NAALADL2: variants seen among roughly 807,000 people sequenced by gnomAD.
NAALADL2 encodes the protein inactive N-acetylated-alpha-linked acidic dipeptidase-like protein 2.
NAALADL2 carries 76 observed loss-of-function variants against 87.2 expected under a neutral mutation model. That is an observed-to-expected ratio of 0.87 (90% CI 0.72 to 1.05). NAALADL2 has a LOEUF of 1.05. Ranked by LOEUF, NAALADL2 falls within the 50% of genes least tolerant of loss-of-function variation. The pLI is 0.00. For synonymous variants in NAALADL2, 354 were observed against 331.0 expected (o/e 1.07, Z -0.75); for missense variants, 1,089 against 945.8 (o/e 1.15, Z -1.99).
intron 10 of NAALADL2, among the ~76,000 whole-genome samples, chr3:175,611,419 G>A (rs544261046): frequency 1.8e-4 from 28 of 151,724 alleles, no homozygotes; most frequent in African/African-American, 5.3e-4. Flanking sequence ...ACTTGAAATC[G>A]CCCTTCAATT....
intron 2 of NAALADL2, among the ~76,000 whole-genome samples, chr3:175,132,712 C>T (rs1285912828): frequency 6.8e-6 from 1 of 147,380 alleles, no homozygotes; most frequent in Non-Finnish European, 1.5e-5. Context: ...AGAGGGGCTC[C>T]TCACTTCCCA....
chr3:175,460,718 T>C (rs76773494), intron 6 of NAALADL2, among the ~76,000 whole-genome samples: 2 of 152,192 alleles, frequency 1.3e-5, no homozygotes, highest in Admixed American at 1.3e-4. Flanking sequence ...AAAGAGTTGG[T>C]ACTCTGTTTG....
intron 1 of NAALADL2, among the ~76,000 whole-genome samples, chr3:174,902,866 T>C (rs1732478087): frequency 6.6e-6 from 1 of 152,094 alleles, no homozygotes; most frequent in Admixed American, 6.6e-5. Context: ...GGGAAATGTT[T>C]GAAAGAGGTT....
chr3:175,424,269 C>A (rs367884935), intron 5 of NAALADL2, among the ~76,000 whole-genome samples: 9 of 152,230 alleles, frequency 5.9e-5, no homozygotes, highest in Middle Eastern at 3.4e-3. Context: ...TTAATTAGAT[C>A]CCATTTGTCA....
intron 5 of NAALADL2, among the ~76,000 whole-genome samples, chr3:175,363,731 T>C (rs1236882208): frequency 1.3e-5 from 2 of 148,322 alleles, no homozygotes; most frequent in African/African-American, 4.9e-5. Context: ...CTTTAAAATA[T>C]CTATAACAGC....
intron 2 of NAALADL2, among the ~76,000 whole-genome samples, chr3:174,588,512 C>T (rs1371208616): frequency 6.6e-6 from 1 of 152,142 alleles, no homozygotes; most frequent in Admixed American, 6.5e-5. Context: ...ATTGTTTTAT[C>T]TACCTTTGGT....
At chr3:174,479,492 A>G (rs547160332) in intron 1 of NAALADL2, among the ~76,000 whole-genome samples, 16 of 152,280 alleles carry the variant, frequency 1.1e-4, no homozygotes, top group Admixed American at 9.2e-4. Context: ...GTTTGACTCT[A>G]TAATCCATAC....
intron 1 of NAALADL2, among the ~76,000 whole-genome samples, chr3:174,461,321 G>T (rs1048758069): frequency 1.6e-4 from 24 of 152,060 alleles, no homozygotes; most frequent in African/African-American, 5.8e-4. Flanking sequence ...GAATATAACA[G>T]CAGTTTTTCA....
intron 2 of NAALADL2, among the ~76,000 whole-genome samples, chr3:174,666,901 T>A (rs1171206461): frequency 3.3e-5 from 5 of 152,192 alleles, no homozygotes; most frequent in Admixed American, 2.6e-4. Context: ...TTGACTATAT[T>A]GGGCAGTTTA....
intron 4 of NAALADL2, among the ~76,000 whole-genome samples, chr3:175,296,545 G>C (rs1410447639): frequency 6.6e-6 from 1 of 152,060 alleles, no homozygotes; most frequent in Non-Finnish European, 1.5e-5. Flanking sequence ...CTGGCTGACA[G>C]GAAGCTCAGA....
At chr3:175,175,742 TC>T (rs1398438691) in intron 2 of NAALADL2, among the ~76,000 whole-genome samples, 1 of 152,114 alleles carries the variant, frequency 6.6e-6, no homozygotes, top group African/African-American at 2.4e-5. Context: ...TATATTTCTT[TC>T]ATATGTTCAC....
At chr3:174,896,659 A>C (rs577071900) in intron 1 of NAALADL2, among the ~76,000 whole-genome samples, 22 of 152,312 alleles carry the variant, frequency 1.4e-4, no homozygotes, top group Admixed American at 9.1e-4. Flanking sequence ...AGAAATAGAC[A>C]AAACAATCCT....
chr3:174,797,313 T>C lies in NAALADL2; in HGVS notation c.-9+59567T>C, dbSNP rs1353695815. On this transcript the variant is annotated intron_variant, in intron 3 of 3. Coordinates refer to the NAALADL2 transcript ENST00000434257. ...TTTTGTTTTTCTTTTTTCTTTTTTT[T>C]TTTTTTTTTTTTTTTTGAGACAGAG... 6.1e-3 allele frequency among the ~76,000 whole-genome samples: 764 copies of C among 125,762 alleles called. 6 individuals carry two copies. Among genetic ancestry groups the C allele is most frequent in the African/African-American group, 0.019 (583 of 30,502 alleles). The allele number at this position is 125,762 out of a possible 152,430, so 82.5% of individuals were successfully genotyped here. A position where few individuals can be genotyped will look rare whatever the true frequency, so the allele number is the denominator to read the frequency against.
chr3:174,468,751 A>C (rs1413688324), intron 1 of NAALADL2, among the ~76,000 whole-genome samples: 1 of 146,790 alleles, frequency 6.8e-6, no homozygotes, highest in Non-Finnish European at 1.5e-5. Flanking sequence ...GTATTGGATC[A>C]TAACTATATT....
intron 11 of NAALADL2, among the ~76,000 whole-genome samples, chr3:175,708,237 A>C (rs1740009819): frequency 6.6e-6 from 1 of 152,130 alleles, no homozygotes; most frequent in African/African-American, 2.4e-5. Flanking sequence ...AACAAAGGAA[A>C]GTTCCTGAAA....
chr3:175,301,828 G>A (rs1442724707), intron 4 of NAALADL2, among the ~76,000 whole-genome samples: 1 of 152,168 alleles, frequency 6.6e-6, no homozygotes, highest in Non-Finnish European at 1.5e-5. Context: ...TCCACAGTCT[G>A]AGGATATGAA....
chr3:175,025,310 G>A (rs1752085842), intron 1 of NAALADL2, among the ~76,000 whole-genome samples: 1 of 152,062 alleles, frequency 6.6e-6, no homozygotes, highest in Non-Finnish European at 1.5e-5. Flanking sequence ...GGTCAGCACT[G>A]CCTACTAAAA....
intron 11 of NAALADL2, among the ~76,000 whole-genome samples, chr3:175,695,517 G>A (rs894612221): frequency 3.5e-4 from 53 of 152,090 alleles, no homozygotes; most frequent in African/African-American, 1.3e-3. Context: ...AAAATGTACT[G>A]CATTCTTTGC....
intron 2 of NAALADL2, among the ~76,000 whole-genome samples, chr3:175,123,196 G>C (rs556290254): frequency 6.1e-4 from 93 of 151,968 alleles, no homozygotes; most frequent in Non-Finnish European, 1.0e-3. Flanking sequence ...TTTTAAAATA[G>C]GAAGGACAAA....
Sources: gnomAD v4.1 joint callset for allele counts (sites outside exome capture counted in the v4.1 genomes callset) on GRCh38, gnomAD v4.1.1 for gene constraint, MANE v1.5 for transcripts, NCBI Gene and HGNC (gene_info 2026-07-23, HGNC 2026-07-21) for gene names.